UST: variants seen among roughly 807,000 people sequenced by gnomAD.
UST encodes the protein uronyl 2-sulfotransferase.
UST carries 21 observed loss-of-function variants against 45.6 expected under a neutral mutation model. The observed-to-expected ratio is 0.46, with a 90% CI of 0.33 to 0.66. The LOEUF (loss-of-function observed/expected upper bound fraction) is 0.66. Among genes scored for constraint, UST ranks in the 30% least tolerant of loss-of-function variants. UST has a pLI of 0.02. For missense variants in UST, 463 were observed against 512.4 expected (o/e 0.90, Z 0.93); for synonymous variants, 215 against 200.6 (o/e 1.07, Z -0.61).
chr6:148,816,072 G>A (rs928893178), intron 1 of UST, among the ~76,000 whole-genome samples: 3 of 152,190 alleles, frequency 2.0e-5, no homozygotes, highest in African/African-American at 7.2e-5. Flanking sequence ...TCTGCAACAC[G>A]GGATTGTTGG....
intron 1 of UST, among the ~76,000 whole-genome samples, chr6:148,863,537 C>T (rs189737466): frequency 3.3e-4 from 51 of 152,270 alleles, no homozygotes; most frequent in Admixed American, 1.3e-3. Context: ...AGCTTTGTTC[C>T]GTTGCTACCA....
chr6:148,853,878 C>T (rs1161363097), intron 1 of UST, among the ~76,000 whole-genome samples: 2 of 152,118 alleles, frequency 1.3e-5, no homozygotes, highest in East Asian at 1.9e-4. Flanking sequence ...ACTTTCTGCT[C>T]CCAGAGCCAC....
intron 2 of UST, among the ~76,000 whole-genome samples, chr6:148,940,740 T>G (rs909471602): frequency 2.0e-5 from 3 of 152,226 alleles, no homozygotes; most frequent in African/African-American, 7.2e-5. Flanking sequence ...GGTATCTCAT[T>G]GCGATTTTGA....
intron 2 of UST, among the ~76,000 whole-genome samples, chr6:148,893,867 A>C (rs1185353819): frequency 6.6e-6 from 1 of 152,170 alleles, no homozygotes; most frequent in African/African-American, 2.4e-5. Context: ...ATAACCTGGG[A>C]TGCGGACAGG....
chr6:148,961,116 C>A (rs1442295345), intron 4 of UST, among the ~76,000 whole-genome samples: 2 of 151,566 alleles, frequency 1.3e-5, no homozygotes, highest in Non-Finnish European at 2.9e-5. Context: ...ATCTTCTCAT[C>A]AAAAAAAATG....
At chr6:148,810,686 A>C (rs190737591) in intron 1 of UST, among the ~76,000 whole-genome samples, 1 of 152,180 alleles carries the variant, frequency 6.6e-6, no homozygotes, top group South Asian at 2.1e-4. Context: ...TTCTCTCTAC[A>C]GTCCCTAAAA....
chr6:148,943,813 G>T (rs1159666982), intron 3 of UST, among the ~76,000 whole-genome samples: 2 of 152,102 alleles, frequency 1.3e-5, no homozygotes, highest in Non-Finnish European at 2.9e-5. Flanking sequence ...TAAATTGTAA[G>T]GCAGTTTTAA....
intron 5 of UST, among the ~76,000 whole-genome samples, chr6:149,007,755 T>C (rs1287090351): frequency 6.6e-6 from 1 of 152,110 alleles, no homozygotes; most frequent in Non-Finnish European, 1.5e-5. Context: ...GGGGGTTTTT[T>C]TTTGGCTGTA....
At chr6:148,770,451 G>A (rs1411427694) in intron 1 of UST, among the ~76,000 whole-genome samples, 1 of 151,600 alleles carries the variant, frequency 6.6e-6, no homozygotes, top group Non-Finnish European at 1.5e-5. Flanking sequence ...GTAGGGGAAG[G>A]GAAGAGGGTT....
chr6:148,979,079 A>C (rs768375657), intron 5 of UST, among the ~76,000 whole-genome samples: 2 of 152,168 alleles, frequency 1.3e-5, no homozygotes, highest in African/African-American at 2.4e-5. Flanking sequence ...TCGGCCCCGC[A>C]TGCACCTGTA....
chr6:148,952,243 A>C (rs1446072321), intron 3 of UST, among the ~76,000 whole-genome samples: 1 of 152,242 alleles, frequency 6.6e-6, no homozygotes, highest in Non-Finnish European at 1.5e-5. Flanking sequence ...AAAAATCAAA[A>C]TGAACAACGT....
intron 5 of UST, among the ~76,000 whole-genome samples, chr6:148,985,909 G>A (rs77623821): frequency 0.033 from 4,965 of 152,262 alleles, 228 homozygotes; most frequent in African/African-American, 0.1. Flanking sequence ...ATTTATTGGG[G>A]GAAATGCCTG....
chr6:148,952,744 C>T (rs1194465454), intron 3 of UST, among the ~76,000 whole-genome samples: 2 of 152,166 alleles, frequency 1.3e-5, no homozygotes, highest in African/African-American at 4.8e-5. Flanking sequence ...AGTTTTTCAA[C>T]TTGAACTATT....
chr6:148,944,045 C>T (rs181379257), intron 3 of UST, among the ~76,000 whole-genome samples: 2 of 152,116 alleles, frequency 1.3e-5, no homozygotes, highest in East Asian at 1.9e-4. Context: ...AAAGTTTCAA[C>T]GTGCATAAAC....
chr6:148,797,379 T>C (rs1322374945), intron 1 of UST, among the ~76,000 whole-genome samples: 1 of 152,220 alleles, frequency 6.6e-6, no homozygotes, highest in Non-Finnish European at 1.5e-5. Flanking sequence ...TATGCTGCTT[T>C]ATATACTTTA....
chr6:148,875,873 G>A lies in UST; in HGVS notation c.248-11113G>A, dbSNP rs916804907. Among the ~76,000 whole-genome samples the A allele has an allele frequency of 4.6e-5, 7 of 152,314 alleles. No individual in the cohort carries two copies. The East Asian group carries it at 5.8e-4, about 13-fold the overall frequency. On this transcript the variant is annotated intron_variant, in intron 1 of 7. Transcript: ENST00000367463. ...TGGTAATATAAGATGAGGAAGTAGC[G>A]ACCATTTATTGAGCATTTACTGTAT... is the stretch of plus-strand genomic sequence containing the variant.
rs544156676 is a variant in UST, at chr6:148,977,268, C to A, written c.681+12705C>A. Among the ~76,000 whole-genome samples the A allele has an allele frequency of 1.5e-4, 22 of 151,418 alleles. 1 individual carries two copies. In the South Asian group the frequency reaches 4.4e-3, roughly 30 times the overall value. On this transcript the variant is annotated intron_variant, in intron 5 of 7. Transcript: ENST00000367463. ...TTTATATATATACACACTGTTGTAA[C>A]CTATTGTATAATTACATAATACATA...
chr6:148,774,208 C>A (rs986881334), intron 1 of UST, among the ~76,000 whole-genome samples: 1 of 151,650 alleles, frequency 6.6e-6, no homozygotes, highest in Admixed American at 6.6e-5. Context: ...GTTAAAGAAG[C>A]GTGTGACACG....
chr6:148,871,675 T>C (rs952634550), intron 1 of UST, among the ~76,000 whole-genome samples: 1 of 152,262 alleles, frequency 6.6e-6, no homozygotes, highest in Admixed American at 6.5e-5. Context: ...ACTTGGAGTA[T>C]TGCTTGTAGG....
Sources: allele counts gnomAD v4.1 joint callset (sites outside exome capture counted in the v4.1 genomes callset), GRCh38; gene constraint gnomAD v4.1.1; transcripts MANE v1.5; gene names NCBI Gene and HGNC (gene_info 2026-07-23, HGNC 2026-07-21).